Variants in THSD7A observed in about 807,000 individuals in gnomAD.
THSD7A encodes the protein thrombospondin type 1 domain containing 7A, also known as thrombospondin type-1 domain-containing protein 7A.
Under a neutral mutation model 231.3 loss-of-function variants are expected in THSD7A, and 96 were observed. The ratio of observed to expected loss-of-function variants is 0.41; its 90% confidence interval spans 0.35 to 0.49. The LOEUF is 0.49. Among genes scored for constraint, THSD7A ranks in the 20% least tolerant of loss-of-function variants. The pLI is 0.05. For missense variants in THSD7A, 2,290 were observed against 2,070.2 expected, an observed-to-expected ratio of 1.11 and a Z score of -2.06; for synonymous variants, 940 against 743.3, an observed-to-expected ratio of 1.26 and a Z score of -4.30.
At chr7:11,532,325 G>T (rs970907290) in intron 6 of THSD7A, among the ~76,000 whole-genome samples, 2 of 152,114 alleles carry the variant, frequency 1.3e-5, no homozygotes, top group Non-Finnish European at 1.5e-5. Context: ...TAAGTTTGGG[G>T]TAATTTGTTA....
chr7:11,568,391 C>T (rs1490152475), intron 4 of THSD7A, among the ~76,000 whole-genome samples: 2 of 151,790 alleles, frequency 1.3e-5, no homozygotes, highest in Admixed American at 6.6e-5. Flanking sequence ...CTCTGGAGGC[C>T]GAGGCAGGCG....
At position 11,446,336 on chromosome 7, in the gene THSD7A, A is replaced by G. The variant is rs558569857; in HGVS notation, c.2801-12T>C. On this transcript the variant is annotated splice_polypyrimidine_tract_variant and intron_variant, in intron 12 of 27. Coordinates refer to ENST00000423059, the MANE Select transcript of THSD7A (RefSeq NM_015204.3). This position sits in a 1 kb window ranked among gnomAD's most constrained non-coding sequence, Gnocchi z 4.0. ...CTTTTTACTTTTTCCTGTGGAAGAG[A>G]AACAATCAGGCAATTTAAGTTGGAA... 52 of 1,603,944 alleles carry G rather than the reference A, an allele frequency of 3.2e-5. 1 individual carries two copies. In the African/African-American group the frequency reaches 6.7e-4, roughly 21 times the overall value.
At chr7:11,652,209 C>T (rs918841519) in intron 1 of THSD7A, among the ~76,000 whole-genome samples, 4 of 151,272 alleles carry the variant, frequency 2.6e-5, no homozygotes. Flanking sequence ...AATCTTTATC[C>T]TAAAGTTGTA....
At chr7:11,656,229 T>C (rs1417406016) in intron 1 of THSD7A, among the ~76,000 whole-genome samples, 3 of 152,048 alleles carry the variant, frequency 2.0e-5, no homozygotes, top group East Asian at 1.9e-4. Context: ...AGTGAATGCA[T>C]GACAAATGCT....
chr7:11,788,883 A>G (rs992976797), intron 1 of THSD7A, among the ~76,000 whole-genome samples: 1 of 152,004 alleles, frequency 6.6e-6, no homozygotes, highest in African/African-American at 2.4e-5. Flanking sequence ...AGGAATAGGT[A>G]ATCAATAAAT....
intron 2 of THSD7A, among the ~76,000 whole-genome samples, chr7:11,620,960 G>C (rs949999553): frequency 7.9e-5 from 12 of 152,080 alleles, no homozygotes; most frequent in African/African-American, 2.9e-4. Context: ...TGTTCCTCTG[G>C]CTCCCTCGGC....
chr7:11,609,829 A>G (rs1386777876), intron 2 of THSD7A, among the ~76,000 whole-genome samples: 3 of 152,052 alleles, frequency 2.0e-5, no homozygotes, highest in Admixed American at 6.6e-5. Context: ...TGCTGCTAAA[A>G]TCATTTTTTT....
intron 6 of THSD7A, among the ~76,000 whole-genome samples, chr7:11,541,084 A>T (rs2074607): frequency 0.16 from 24,425 of 152,158 alleles, 1,990 homozygotes; most frequent in Admixed American, 0.18. Flanking sequence ...AGACTTTTTT[A>T]AAAAAGTCAC....
intron 1 of THSD7A, among the ~76,000 whole-genome samples, chr7:11,640,904 T>C (rs549733150): frequency 7.2e-5 from 11 of 152,142 alleles, no homozygotes; most frequent in Non-Finnish European, 2.9e-5. Flanking sequence ...GGTTGAGGAG[T>C]ATATCTTCAT....
At chr7:11,487,932 T>A (rs1284747527) in intron 6 of THSD7A, among the ~76,000 whole-genome samples, 1 of 116,654 alleles carries the variant, frequency 8.6e-6, no homozygotes, top group Non-Finnish European at 2.1e-5. Flanking sequence ...GTTATCCTGA[T>A]TTTTTTTTAA....
intron 6 of THSD7A, among the ~76,000 whole-genome samples, chr7:11,526,412 C>A (rs763502756): frequency 2.0e-5 from 3 of 152,172 alleles, no homozygotes; most frequent in Non-Finnish European, 4.4e-5. Context: ...ACTCTATCCA[C>A]TGTGCCCCTT....
At chr7:11,505,860 C>T (rs978438450) in intron 6 of THSD7A, among the ~76,000 whole-genome samples, 1 of 152,102 alleles carries the variant, frequency 6.6e-6, no homozygotes, top group Non-Finnish European at 1.5e-5. Context: ...CTATGGGGCT[C>T]ATTATCTAGT....
chr7:11,565,014 G>C (rs1790246150), intron 4 of THSD7A, among the ~76,000 whole-genome samples: 1 of 152,080 alleles, frequency 6.6e-6, no homozygotes, highest in Non-Finnish European at 1.5e-5. Context: ...ACCATCTGTT[G>C]CAACACTGCA....
At chr7:11,662,247 A>T (rs1782954914) in intron 1 of THSD7A, among the ~76,000 whole-genome samples, 1 of 151,242 alleles carries the variant, frequency 6.6e-6, no homozygotes, top group South Asian at 2.1e-4. Context: ...GCTTGTGCAG[A>T]TATATTAATA....
rs765693948 is a variant in THSD7A at position 11,590,626 on chromosome 7, A to T, written c.1287T>A (p.Thr429=). The change falls in exon 4 of 28, where the codon ACT becomes ACA. Residue 429 remains threonine (T), a synonymous_variant. Transcript: ENST00000423059. The surrounding 1 kb of genome is among the most constrained non-coding windows in gnomAD (Gnocchi z 4.4). ...CCACACGGCACTCAGTCCACTCTGTAGTTCTCCAGCCATACCTAAATAAAG... is the reference window on the plus strand; with the variant it reads ...CCACACGGCACTCAGTCCACTCTGTTGTTCTCCAGCCATACCTAAATAAAG... ...VVPCATYGWR[T]TEWTECRVDP... 1 of 1,609,392 alleles carries T rather than the reference A, an allele frequency of 6.2e-7. No homozygotes were observed. Among genetic ancestry groups the T allele is most frequent in the South Asian group, 1.1e-5 (1 of 90,358 alleles).
At chr7:11,591,551 G>T (rs1780164965) in intron 3 of THSD7A, among the ~76,000 whole-genome samples, 2 of 152,152 alleles carry the variant, frequency 1.3e-5, no homozygotes, top group Admixed American at 1.3e-4. Context: ...TCAGGCAGAA[G>T]GTTAAACGGC....
At chr7:11,823,711 G>T (rs546994849) in intron 1 of THSD7A, among the ~76,000 whole-genome samples, 42 of 151,860 alleles carry the variant, frequency 2.8e-4, no homozygotes, top group African/African-American at 9.4e-4. Flanking sequence ...TATTTTTGCC[G>T]CTATTGTAAA....
At chr7:11,565,094 T>G (rs1430516322) in intron 4 of THSD7A, among the ~76,000 whole-genome samples, 1 of 152,168 alleles carries the variant, frequency 6.6e-6, no homozygotes, top group Non-Finnish European at 1.5e-5. Context: ...ATAGAACTCA[T>G]ACTGAACTCT....
At chr7:11,811,366 C>T (rs896647774) in intron 1 of THSD7A, among the ~76,000 whole-genome samples, 1 of 152,160 alleles carries the variant, frequency 6.6e-6, no homozygotes, top group Non-Finnish European at 1.5e-5. Context: ...TTTGCGTGCT[C>T]ATGATGCATT....
Sources: allele counts gnomAD v4.1 joint callset (sites outside exome capture counted in the v4.1 genomes callset), GRCh38; gene constraint gnomAD v4.1.1; non-coding constraint Gnocchi (gnomAD v3.1); transcripts MANE v1.5; gene names NCBI Gene and HGNC (gene_info 2026-07-23, HGNC 2026-07-21).